Variants in SEL1L3 observed in about 807,000 individuals in gnomAD.
SEL1L3 encodes the protein protein sel-1 homolog 3.
Under a neutral mutation model 142.8 loss-of-function variants are expected in SEL1L3, and 76 were observed. That is an observed-to-expected ratio of 0.53 (90% CI 0.44 to 0.64). SEL1L3 has a LOEUF of 0.64. SEL1L3 is among the 30% of genes least tolerant of loss of function. The pLI, the probability that SEL1L3 is intolerant of heterozygous loss-of-function variation, is 0.00. For synonymous variants in SEL1L3, 504 were observed against 519.6 expected (o/e 0.97, Z 0.41); for missense variants, 1,262 against 1,381.7 (o/e 0.91, Z 1.37).
chr4:25,836,444 C>T (rs949163843), intron 2 of SEL1L3, among the ~76,000 whole-genome samples: 5 of 151,916 alleles, frequency 3.3e-5, no homozygotes, highest in Non-Finnish European at 5.9e-5. Context: ...GTCAGGAGAT[C>T]GAGACCAGCC....
intron 20 of SEL1L3, among the ~76,000 whole-genome samples, chr4:25,762,077 T>A (rs1718410872): frequency 6.6e-6 from 1 of 152,238 alleles, no homozygotes; most frequent in Admixed American, 6.5e-5. Flanking sequence ...GCCTCCCAAG[T>A]AACTGGGACT....
At chr4:25,860,221 G>C (rs971178716) in intron 1 of SEL1L3, among the ~76,000 whole-genome samples, 41 of 152,174 alleles carry the variant, frequency 2.7e-4, no homozygotes, top group Non-Finnish European at 2.9e-5. Context: ...CACAATGTAA[G>C]CTATCGTTAT....
At chr4:25,757,379 C>G in intron 23 of SEL1L3, 155 bp downstream of exon 23, 1 of 626,712 alleles carries the variant, frequency 1.6e-6, no homozygotes, top group Non-Finnish European at 2.7e-6. Context: ...GGATTCCCAC[C>G]CTGTGAAGAC....
At chr4:25,810,928 G>A (rs1239144416) in intron 9 of SEL1L3, among the ~76,000 whole-genome samples, 1 of 152,212 alleles carries the variant, frequency 6.6e-6, no homozygotes, top group Non-Finnish European at 1.5e-5. Context: ...GGCGAGGAAC[G>A]GGTCCTGTTA....
At chr4:25,759,483 C>T in intron 20 of SEL1L3, 1 of 163,498 alleles carries the variant, frequency 6.1e-6, no homozygotes, top group Non-Finnish European at 1.3e-5. Context: ...ATTTCTGTGG[C>T]TAGGGCGGCT....
chr4:25,785,245 C>T (rs1242454143), intron 13 of SEL1L3, among the ~76,000 whole-genome samples: 1 of 152,154 alleles, frequency 6.6e-6, no homozygotes, highest in Non-Finnish European at 1.5e-5. Context: ...ATGGAAACAG[C>T]GCTAGTTACC....
At chr4:25,738,607 C>A in the SEL1L3 span, among the ~76,000 whole-genome samples, 21 of 152,288 alleles carry the variant, frequency 1.4e-4, no homozygotes, top group Non-Finnish European at 2.2e-4. Flanking sequence ...TGACTGAATA[C>A]CAATAAACAT....
intron 1 of SEL1L3, among the ~76,000 whole-genome samples, chr4:25,856,030 G>T (rs969278465): frequency 6.6e-6 from 1 of 152,182 alleles, no homozygotes; most frequent in Non-Finnish European, 1.5e-5. Context: ...CAGAGAAGGT[G>T]GCACCTTGGC....
chr4:25,825,057 T>C (rs528818990), intron 6 of SEL1L3, among the ~76,000 whole-genome samples: 53 of 152,296 alleles, frequency 3.5e-4, no homozygotes, highest in African/African-American at 9.6e-4. Flanking sequence ...TCTAGAAAGA[T>C]TGGCAAATGA....
In SEL1L3 at chr4:25,748,443, G is replaced by C. The variant is rs770910270; in HGVS notation, c.3381C>G (p.Asn1127Lys). The change falls in exon 24 of 24, where the codon AAC (asparagine) becomes AAG (lysine). Residue 1127 changes from asparagine (N) to lysine (K), a missense_variant. This residue lies in a region of SEL1L3 where 138 missense variants were observed against 129.7 expected (regional missense o/e 1.06). Transcript: ENST00000399878. ...SDQDQPTVTNNPEPRG is the reference protein window; with the variant it reads ...SDQDQPTVTNKPEPRG ...GCACAGTTCACCCACGTGGCTCCGG[G>C]TTATTAGTTACTGTGGGCTGGTCTT... 6.2e-7 allele frequency: 1 copy of C among 1,611,012 alleles called. No homozygotes were observed. The highest frequency in any genetic ancestry group is 2.2e-5 in the East Asian group (1 of 44,826).
chr4:25,743,634 G>A (rs530947530), downstream of SEL1L3, among the ~76,000 whole-genome samples: 40 of 152,288 alleles, frequency 2.6e-4, no homozygotes, highest in South Asian at 4.1e-4. Context: ...ACAGATAGGC[G>A]AGAGACAAAC....
intron 8 of SEL1L3, among the ~76,000 whole-genome samples, chr4:25,818,961 T>A (rs1714575054): frequency 6.6e-6 from 1 of 152,166 alleles, no homozygotes; most frequent in Non-Finnish European, 1.5e-5. Context: ...TTGAGATGCA[T>A]CCCTCCCTCC....
At chr4:25,736,196 C>T in the SEL1L3 span, among the ~76,000 whole-genome samples, 133,188 of 149,872 alleles carry the variant, frequency 0.89, 59,336 homozygotes, top group East Asian at 1. Flanking sequence ...TGTGGTCAGA[C>T]AATATATGCC....
intron 13 of SEL1L3, among the ~76,000 whole-genome samples, chr4:25,787,961 G>C (rs145100322): frequency 1.3e-5 from 2 of 152,316 alleles, no homozygotes; most frequent in South Asian, 2.1e-4. Context: ...AATAAAATAC[G>C]GGTGTCTCCT....
chr4:25,773,644 C>G (rs1363433537), intron 17 of SEL1L3: 1 of 152,156 alleles, frequency 6.6e-6, no homozygotes, highest in Non-Finnish European at 1.5e-5. Context: ...CCAAAATGAT[C>G]AATGCCTCCC....
chr4:25,804,794 T>C (rs1365651155), intron 9 of SEL1L3, 42 bp from the exon 10 acceptor site: 1 of 1,387,058 alleles, frequency 7.2e-7, no homozygotes, highest in South Asian at 1.2e-5. Context: ...TTAATTACCA[T>C]GGGATCGATG....
chr4:25,825,527 CCT>C (rs530045877), intron 6 of SEL1L3, among the ~76,000 whole-genome samples: 90 of 152,206 alleles, frequency 5.9e-4, no homozygotes, highest in African/African-American at 2.1e-3. Flanking sequence ...GTGAAACAGG[CCT>C]CTCTCAGAAT....
the SEL1L3 span, among the ~76,000 whole-genome samples, chr4:25,729,662 C>T: frequency 1.3e-5 from 2 of 152,136 alleles, no homozygotes; most frequent in Non-Finnish European, 2.9e-5. Context: ...TGCAGTGAGC[C>T]GAGATCGCGG....
chr4:25,852,050 C>T (rs895550264), intron 1 of SEL1L3, among the ~76,000 whole-genome samples: 2 of 152,070 alleles, frequency 1.3e-5, no homozygotes, highest in Admixed American at 1.3e-4. Context: ...TGCCACCCCC[C>T]CCAGGAGAGG....
Sources: allele counts gnomAD v4.1 joint callset (sites outside exome capture counted in the v4.1 genomes callset), GRCh38; gene constraint gnomAD v4.1.1; regional missense constraint gnomAD v4.1.1; transcripts MANE v1.5; gene names NCBI Gene and HGNC (gene_info 2026-07-23, HGNC 2026-07-21).